The following NCR3LG1 variants were observed in gnomAD, a reference collection of about 807,000 sequenced individuals.
NCR3LG1 encodes the protein natural killer cell cytotoxicity receptor 3 ligand 1, also known as natural cytotoxicity triggering receptor 3 ligand 1.
In NCR3LG1, 35 loss-of-function variants were observed where a neutral mutation model predicts 34.8. That is an observed-to-expected ratio of 1.01 (90% confidence interval 0.77 to 1.33). The LOEUF (loss-of-function observed/expected upper bound fraction) is 1.33, where lower values mean the gene tolerates loss of function less well. NCR3LG1 is among the 40% of genes most tolerant of loss of function. NCR3LG1 has a pLI of 0.00. For missense variants in NCR3LG1, 452 were observed against 423.3 expected, an observed-to-expected ratio of 1.07 and a Z score of -0.60; for synonymous variants, 173 against 163.6, an observed-to-expected ratio of 1.06 and a Z score of -0.44.
chr11:17,358,131 C>G (rs148770618), intron 2 of NCR3LG1, among the ~76,000 whole-genome samples: 2 of 152,154 alleles, frequency 1.3e-5, no homozygotes, highest in Non-Finnish European at 2.9e-5. Flanking sequence ...CTGTTATTAA[C>G]ATCTTGTATT....
At chr11:17,379,312 G>C (rs537160725), downstream of NCR3LG1, among the ~76,000 whole-genome samples, 1 of 152,146 alleles carries the variant, frequency 6.6e-6, no homozygotes. Flanking sequence ...GATGCTTATG[G>C]AAAAAGAAAA....
intron 2 of NCR3LG1, among the ~76,000 whole-genome samples, chr11:17,357,624 T>TCACTTCCTCTGC (rs1336091378): frequency 2.0e-5 from 3 of 151,450 alleles, no homozygotes. Flanking sequence ...GACAGAGGAA[T>TCACTTCCTCTGC]AACAGTGACA....
intron 2 of NCR3LG1, among the ~76,000 whole-genome samples, chr11:17,364,141 T>G (rs1179933836): frequency 6.6e-6 from 1 of 152,174 alleles, no homozygotes; most frequent in Non-Finnish European, 1.5e-5. Context: ...TCTTGGCTAT[T>G]CTGGGGTTTT....
downstream of NCR3LG1, among the ~76,000 whole-genome samples, chr11:17,380,407 C>T (rs543477038): frequency 1.3e-5 from 2 of 152,248 alleles, no homozygotes; most frequent in African/African-American, 4.8e-5. Context: ...CCACTTAGTG[C>T]TCTGAGCCAC....
In NCR3LG1 at chr11:17,359,415, A is replaced by G. The variant is rs1953245223; in HGVS notation, c.421+2414A>G. ...CAACAGTGAGAAACCTGTACCCACC[A>G]TCCTCTGTTTATTGAATTAATTATT... is the stretch of plus-strand genomic sequence containing the variant. On this transcript the variant is annotated intron_variant, in intron 2 of 4. Coordinates refer to ENST00000338965, the MANE Select transcript of NCR3LG1 (RefSeq NM_001202439.3). Among the ~76,000 whole-genome samples, 4 of 151,868 alleles carry G rather than the reference A, an allele frequency of 2.6e-5. No homozygotes were observed. The South Asian group carries it at 8.3e-4, about 32-fold the overall frequency.
rs1409962517 is a variant in NCR3LG1 at position 17,372,163 on chromosome 11, C to T, written c.1016C>T (p.Pro339Leu). 1.4e-6 allele frequency: 1 copy of T among 703,004 alleles called. No homozygotes were observed. Among genetic ancestry groups the T allele is most frequent in the South Asian group, 1.5e-5 (1 of 67,598 alleles). 43.5% of individuals were successfully genotyped at this position (703,004 alleles called of 1,614,324 possible). The change falls in exon 5 of 5, where the codon CCT becomes CTT. Residue 339 changes from proline (P) to leucine (L), a missense_variant. Coordinates refer to ENST00000338965, the MANE Select transcript of NCR3LG1 (RefSeq NM_001202439.3). ...CTGCAGGATGGGGAGGCTTGGCCTC[C>T]TGAGGGAAGTGTTAATATTAATACT... Reference protein sequence around the residue: ...YQLQDGEAWPPEGSVNINTIQ... With the variant: ...YQLQDGEAWPLEGSVNINTIQ...
chr11:17,353,792 G>T (rs1410104225), intron 1 of NCR3LG1, among the ~76,000 whole-genome samples: 1 of 152,244 alleles, frequency 6.6e-6, no homozygotes, highest in Non-Finnish European at 1.5e-5. Context: ...GCTGCATGAG[G>T]GTCGGACCCC....
In NCR3LG1 at chr11:17,367,332, C is replaced by G. The variant is rs201316118; in HGVS notation, c.745C>G (p.Arg249Gly). 13 of 1,533,566 alleles carry G rather than the reference C, an allele frequency of 8.5e-6. No homozygotes were observed. The highest frequency in any genetic ancestry group is 1.0e-5 in the Non-Finnish European group (12 of 1,145,028). The allele number at this position is 1,533,566 out of a possible 1,614,324, so 95.0% of individuals were successfully genotyped here. ...LRSNFTLTAARHSLSETEKTD... is the reference protein window; with the variant it reads ...LRSNFTLTAAGHSLSETEKTD... ...GAGCAACTTTACCCTGACTGCTGCT[C>G]GGCACAGTCTTTCTGGTAAGGGTCT... Residue 249 changes from arginine to glycine, a missense_variant, in exon 3 of 5, where the codon CGG (arginine) becomes GGG (glycine). Physicochemically the swap from Arg to Gly is moderately radical, Grantham distance 125 (BLOSUM62 -2). Coordinates refer to ENST00000338965, the MANE Select transcript of NCR3LG1 (RefSeq NM_001202439.3).
chr11:17,381,030 G>A (rs1953510618), downstream of NCR3LG1: 1 of 152,114 alleles, frequency 6.6e-6, no homozygotes, highest in South Asian at 2.1e-4. Flanking sequence ...ATTAAGTGAG[G>A]ACTTACTGTA....
At chr11:17,358,252 CAGGAT>C (rs1424464624) in intron 2 of NCR3LG1, among the ~76,000 whole-genome samples, 1 of 152,132 alleles carries the variant, frequency 6.6e-6, no homozygotes, top group Non-Finnish European at 1.5e-5. Context: ...TTTCCTGCTC[CAGGAT>C]CCCGTCAGAA....
chr11:17,374,507 C>T lies in NCR3LG1; in HGVS notation c.*1995C>T, dbSNP rs1263534689. ...AGTTTCTTGAGACGGCACTGAGGCT[C>T]TCCTTAATTTCCTAGCTGGAAAGGG... On this transcript the variant is annotated 3_prime_UTR_variant, in exon 5 of 5. Transcript: ENST00000338965. 6.6e-6 allele frequency: 1 copy of T among 152,208 alleles called. No individual in the cohort carries two copies. Among genetic ancestry groups the T allele is most frequent in the Non-Finnish European group, 1.5e-5 (1 of 68,052 alleles). The allele number at this position is 152,208 out of a possible 1,614,324, so 9.4% of individuals were successfully genotyped here.
At chr11:17,369,762 G>A (rs947868371) in intron 4 of NCR3LG1, among the ~76,000 whole-genome samples, 7 of 152,156 alleles carry the variant, frequency 4.6e-5, no homozygotes, top group Non-Finnish European at 7.4e-5. Flanking sequence ...GATAAAAAGT[G>A]GTTTTCAAAT....
At chr11:17,377,975 C>T (rs1953491957), downstream of NCR3LG1, among the ~76,000 whole-genome samples, 1 of 152,144 alleles carries the variant, frequency 6.6e-6, no homozygotes, top group African/African-American at 2.4e-5. Context: ...CATGACAATC[C>T]TATCTCAGAA....
At chr11:17,367,573 G>A (rs1953360052) in intron 3 of NCR3LG1, among the ~76,000 whole-genome samples, 1 of 152,174 alleles carries the variant, frequency 6.6e-6, no homozygotes, top group South Asian at 2.1e-4. Flanking sequence ...GGAGAGTGGT[G>A]ACTGTAGTCA....
intron 4 of NCR3LG1, among the ~76,000 whole-genome samples, chr11:17,370,813 G>A (rs914087560): frequency 5.3e-5 from 8 of 152,160 alleles, no homozygotes; most frequent in South Asian, 2.1e-4. Flanking sequence ...CTTGCTTTTC[G>A]CAGCTACTAT....
At chr11:17,354,469 A>G (rs1953180890) in intron 1 of NCR3LG1, among the ~76,000 whole-genome samples, 1 of 150,660 alleles carries the variant, frequency 6.6e-6, no homozygotes, top group South Asian at 2.1e-4. Context: ...TCTGGCACTC[A>G]GGTTTGTATT....
chr11:17,363,066 A>G (rs1475338730), intron 2 of NCR3LG1, among the ~76,000 whole-genome samples: 2 of 146,632 alleles, frequency 1.4e-5, no homozygotes, highest in African/African-American at 2.6e-5. Context: ...GACCACAGGC[A>G]TGCACCACCA....
In NCR3LG1 at chr11:17,356,864, T is replaced by G. The variant is rs564562856; in HGVS notation, c.284T>G (p.Val95Gly). ...HQEAFRPGAI[V>G]SPWRLKSGDA... ...GAGGCATTCCGACCTGGAGCCATTGTGTCTCCATGGAGGCTGAAGAGTGGG... is the reference window on the plus strand; with the variant it reads ...GAGGCATTCCGACCTGGAGCCATTGGGTCTCCATGGAGGCTGAAGAGTGGG... The change falls in exon 2 of 5, where the codon GTG becomes GGG. Residue 95 changes from valine (V) to glycine (G), a missense_variant. Transcript: ENST00000338965. 1.8e-4 allele frequency: 284 copies of G among 1,536,186 alleles called. 1 individual carries two copies. Among genetic ancestry groups the G allele is most frequent in the South Asian group, 1.6e-3 (138 of 84,062 alleles).
downstream of NCR3LG1, among the ~76,000 whole-genome samples, chr11:17,379,949 A>G (rs981141060): frequency 6.6e-6 from 1 of 152,138 alleles, no homozygotes; most frequent in Non-Finnish European, 1.5e-5. Context: ...CTCCAGCTAC[A>G]GATCTCAGGG....
Sources: allele counts gnomAD v4.1 joint callset (sites outside exome capture counted in the v4.1 genomes callset), GRCh38; gene constraint gnomAD v4.1.1; transcripts MANE v1.5; gene names NCBI Gene and HGNC (gene_info 2026-07-23, HGNC 2026-07-21).